The following ANK3 variants were observed in gnomAD, a reference collection of about 807,000 sequenced individuals.
ANK3 encodes the protein ankyrin 3, also known as ankyrin-3.
A neutral mutation model predicts 370.9 loss-of-function variants in ANK3; 57 were observed. The observed-to-expected ratio is 0.15, with a 90% CI of 0.12 to 0.19. ANK3 has a LOEUF of 0.19. ANK3 is among the 10% of genes least tolerant of loss of function. The pLI is 1.00. For missense variants in ANK3, 4,439 were observed against 5,302.1 expected (o/e 0.84, Z 5.06); for synonymous variants, 1,929 against 1,946.3 (o/e 0.99, Z 0.23).
chr10:60,274,680 T>A (rs2098058264), intron 4 of ANK3, among the ~76,000 whole-genome samples: 1 of 152,176 alleles, frequency 6.6e-6, no homozygotes, highest in Admixed American at 6.5e-5. Context: ...TCTCCCACTC[T>A]CCACCCCAGC....
rs190149350 is a variant in ANK3 at position 60,726,509 on chromosome 10, G to A, written c.57+6754C>T. ...TAGTTATAATCCTTATACAAATATTGTAAAGGAGCTGCTTCATCTCCATTT... is the reference window on the plus strand; with the variant it reads ...TAGTTATAATCCTTATACAAATATTATAAAGGAGCTGCTTCATCTCCATTT... On this transcript the variant is annotated intron_variant, in intron 1 of 43. Coordinates refer to the ANK3 transcript ENST00000373827. 5.3e-5 allele frequency among the ~76,000 whole-genome samples: 8 copies of A among 152,238 alleles called. No individual in the cohort carries two copies. The East Asian group carries it at 1.5e-3, about 29-fold the overall frequency.
In ANK3 at chr10:60,084,723, G is replaced by C; in HGVS notation, c.3953C>G (p.Ala1318Gly). The C allele has an allele frequency of 6.2e-7, 1 of 1,613,286 alleles. No homozygotes were observed. The highest frequency in any genetic ancestry group is 8.5e-7 in the Non-Finnish European group (1 of 1,179,682). Residue 1318 changes from alanine (A) to glycine (G), a missense_variant, in exon 32 of 44, where the codon GCC becomes GGC. This residue lies in a region of ANK3 where 702 missense variants were observed against 941.5 expected (regional missense o/e 0.75). Transcript: ENST00000280772. ...AGATTCTACGGGATCATTCATTTTG[G>C]CAAAAACAACAAACTTGGCCATATA... is the stretch of plus-strand genomic sequence containing the variant. ...VPYMAKFVVF[A>G]KMNDPVESSL...
At chr10:60,418,159 G>A (rs1359994683) in intron 2 of ANK3, among the ~76,000 whole-genome samples, 1 of 152,034 alleles carries the variant, frequency 6.6e-6, no homozygotes, top group Non-Finnish European at 1.5e-5. Flanking sequence ...CTCTAATGCC[G>A]GCCTCCTGAT....
At chr10:60,523,293 GGTTA>G (rs2076391853) in intron 2 of ANK3, among the ~76,000 whole-genome samples, 1 of 151,798 alleles carries the variant, frequency 6.6e-6, no homozygotes, top group Admixed American at 6.6e-5. Flanking sequence ...ACAATGTGCA[GGTTA>G]GTTACATAGG....
chr10:60,063,323 C>A, intron 39 of ANK3, 69 bp from the exon 40 acceptor site: 1 of 1,473,124 alleles, frequency 6.8e-7, no homozygotes, highest in Non-Finnish European at 9.1e-7. Flanking sequence ...AATATCTACA[C>A]AAAGGCATGG....
At chr10:60,531,353 A>G (rs2076601233) in intron 2 of ANK3, among the ~76,000 whole-genome samples, 1 of 152,126 alleles carries the variant, frequency 6.6e-6, no homozygotes, top group Non-Finnish European at 1.5e-5. Flanking sequence ...TTAATTACAA[A>G]GGAGGTTCAG....
chr10:60,376,589 G>A (rs936841028), intron 1 of ANK3, among the ~76,000 whole-genome samples: 1 of 152,216 alleles, frequency 6.6e-6, no homozygotes, highest in African/African-American at 2.4e-5. Flanking sequence ...ATGCTTTGGA[G>A]CAAGAGAAAA....
chr10:60,639,539 T>C (rs994175927), intron 1 of ANK3, among the ~76,000 whole-genome samples: 1 of 151,736 alleles, frequency 6.6e-6, no homozygotes, highest in African/African-American at 2.4e-5. Flanking sequence ...GTTTATAACA[T>C]GTAGAAGTAA....
intron 2 of ANK3, among the ~76,000 whole-genome samples, chr10:60,432,671 A>G (rs556756675): frequency 6.6e-6 from 1 of 151,608 alleles, no homozygotes; most frequent in South Asian, 2.1e-4. Flanking sequence ...GAAAAAGCTG[A>G]ACAAACATGA....
chr10:60,056,827 C>T (rs1476962852), intron 41 of ANK3, among the ~76,000 whole-genome samples: 3 of 152,040 alleles, frequency 2.0e-5, no homozygotes, highest in African/African-American at 4.8e-5. Context: ...AATTTGAGTT[C>T]GGCCTGGGTG....
chr10:60,032,194 C>CTT (rs552219776), intron 43 of ANK3, among the ~76,000 whole-genome samples: 1,141 of 43,070 alleles, frequency 0.026, 149 homozygotes, highest in East Asian at 0.081. Flanking sequence ...TACACAGCTT[C>CTT]TTTTTTTTTT....
chr10:60,690,661 G>A (rs1554810240), intron 1 of ANK3, among the ~76,000 whole-genome samples: 1 of 151,878 alleles, frequency 6.6e-6, no homozygotes, highest in Non-Finnish European at 1.5e-5. Context: ...ACAAATCTAG[G>A]GCTGCTGCCA....
intron 1 of ANK3, among the ~76,000 whole-genome samples, chr10:60,331,609 G>A (rs1404172552): frequency 3.3e-5 from 5 of 149,850 alleles, no homozygotes; most frequent in African/African-American, 9.8e-5. Flanking sequence ...TCATTGCAGC[G>A]AACTTGCAGG....
At chr10:60,509,263 C>T (rs1008886751) in intron 2 of ANK3, among the ~76,000 whole-genome samples, 1 of 151,918 alleles carries the variant, frequency 6.6e-6, no homozygotes, top group African/African-American at 2.4e-5. Context: ...AAAAAAAAGT[C>T]AACATAATCT....
chr10:60,301,852 T>C (rs183943729), intron 1 of ANK3, among the ~76,000 whole-genome samples: 5 of 152,330 alleles, frequency 3.3e-5, no homozygotes. Flanking sequence ...ATCAGAGCCC[T>C]AAAGAACCCA....
intron 5 of ANK3, among the ~76,000 whole-genome samples, chr10:60,269,076 G>A (rs543443326): frequency 6.6e-6 from 1 of 152,184 alleles, no homozygotes; most frequent in East Asian, 1.9e-4. Context: ...CAAGAGTAGT[G>A]GTTTATAATA....
chr10:60,065,011 T>C lies in ANK3; in HGVS notation c.12320-723A>G, dbSNP rs570762339. Among the ~76,000 whole-genome samples the C allele has an allele frequency of 2.6e-5, 4 of 152,318 alleles. No individual in the cohort carries two copies. In the South Asian group the frequency reaches 8.3e-4, roughly 32 times the overall value. ...GCACAAGAGATGCTGATAGGGTTTGTGCTAAGCAATCTTCATGAAGGTATC... is the reference window on the plus strand; with the variant it reads ...GCACAAGAGATGCTGATAGGGTTTGCGCTAAGCAATCTTCATGAAGGTATC... On this transcript the variant is annotated intron_variant, in intron 38 of 43. Coordinates refer to ENST00000280772, the MANE Select transcript of ANK3 (RefSeq NM_020987.5).
At chr10:60,388,689 G>T (rs2062773735) in intron 1 of ANK3, among the ~76,000 whole-genome samples, 1 of 152,096 alleles carries the variant, frequency 6.6e-6, no homozygotes. Context: ...TATCAGTAAG[G>T]AATCATCAAT....
chr10:60,482,951 G>C (rs557622970), intron 2 of ANK3, among the ~76,000 whole-genome samples: 4 of 152,278 alleles, frequency 2.6e-5, no homozygotes, highest in East Asian at 3.9e-4. Flanking sequence ...AAAGAACTAA[G>C]CACAGGATTT....
Sources: gnomAD v4.1 joint callset for allele counts (sites outside exome capture counted in the v4.1 genomes callset) on GRCh38, gnomAD v4.1.1 for gene constraint, gnomAD v4.1.1 regional missense constraint, MANE v1.5 for transcripts, NCBI Gene and HGNC (gene_info 2026-07-23, HGNC 2026-07-21) for gene names.